PLEKHG2: variants seen among roughly 807,000 people sequenced by gnomAD.
The protein encoded by PLEKHG2 is pleckstrin homology and RhoGEF domain containing G2.
Under a neutral mutation model 104.4 loss-of-function variants are expected in PLEKHG2, and 71 were observed. The ratio of observed to expected loss-of-function variants is 0.68; its 90% CI spans 0.56 to 0.83. PLEKHG2 has a LOEUF of 0.83. Among genes scored for constraint, PLEKHG2 ranks in the 40% least tolerant of loss-of-function variants. The probability of loss-of-function intolerance (pLI) is 0.00; values close to 1 mark genes in which losing one functional copy is unlikely to be tolerated. For missense variants in PLEKHG2, 1,730 were observed against 1,809.4 expected (o/e 0.96, Z 0.80); for synonymous variants, 728 against 737.0 (o/e 0.99, Z 0.20).
At position 39,422,999 on chromosome 19, in the gene PLEKHG2, GA is replaced by G; in HGVS notation, c.1948del (p.Ile650PhefsTer140). On this transcript the variant is annotated frameshift_variant, in exon 18 of 19. Coordinates refer to ENST00000425673, the MANE Select transcript of PLEKHG2 (RefSeq NM_022835.3). LOFTEE classifies it high-confidence loss of function. Reference protein sequence around the residue: ...PNLPEIPSRCEIPEGSRLPSL... With the variant: ...PNLPEIPSRCXIPEGSRLPSL... ...CCTTCCTGAAATTCCCAGCCGCTGT[GA>G]AATTCCCGAAGGTTCTCGCCTTCCT... 6.2e-7 allele frequency: 1 copy of G among 1,614,220 alleles called. No homozygotes were observed. The highest frequency in any genetic ancestry group is 8.5e-7 in the Non-Finnish European group (1 of 1,180,040).
In PLEKHG2 at chr19:39,415,414, A is replaced by C. The variant is rs1411994542; in HGVS notation, c.454A>C (p.Ile152Leu). The C allele has an allele frequency of 6.2e-7, 1 of 1,614,082 alleles. No homozygotes were observed. Among genetic ancestry groups the C allele is most frequent in the Admixed American group, 1.7e-5 (1 of 60,022 alleles). Residue 152 changes from isoleucine to leucine, a missense_variant, in exon 4 of 19, where the codon ATT becomes CTT. Ile to Leu is a conservative substitution (Grantham distance 5). Transcript: ENST00000425673. The surrounding 1 kb of genome is among the most constrained non-coding windows in gnomAD (Gnocchi z 4.6). ...VEQVGTLFAN[I>L]EDIYEFSSEL... is the part of the protein sequence containing the mutation. ...GCAGGTGGGCACGCTGTTTGCCAACATTGAGGACATCTACGAGTTCAGCAG... is the reference window on the plus strand; with the variant it reads ...GCAGGTGGGCACGCTGTTTGCCAACCTTGAGGACATCTACGAGTTCAGCAG...
Position 39,416,372 on chromosome 19 carries a change from C to G in PLEKHG2, c.504C>G (p.Asn168Lys), listed in dbSNP as rs562119329. The G allele has an allele frequency of 3.1e-6, 5 of 1,613,164 alleles. No individual in the cohort carries two copies. Among genetic ancestry groups the G allele is most frequent in the Non-Finnish European group, 4.2e-6 (5 of 1,179,812 alleles). ...GCGAGCTCCTGGAGGACTTGGAGAA[C>G]AGCAGCAGCGCCGGGGGTATTGCCG... ...FSSELLEDLE[N>K]SSSAGGIAEC... Residue 168 changes from asparagine to lysine, a missense_variant, in exon 5 of 19, where the codon AAC (asparagine) becomes AAG (lysine). Physicochemically the swap from Asn to Lys is moderately conservative, Grantham distance 94. Transcript: ENST00000425673. This position sits in a 1 kb window ranked among gnomAD's most constrained non-coding sequence, Gnocchi z 4.5.
At chr19:39,421,909 C>T (rs565356128) in intron 16 of PLEKHG2, 1 of 422,458 alleles carries the variant, frequency 2.4e-6, no homozygotes, top group Non-Finnish European at 4.1e-6. Flanking sequence ...CCCAGCTACT[C>T]AGGAGGCTGA....
rs772663947 is a variant in PLEKHG2 at position 39,420,939 on chromosome 19, C to T, written c.1400-10C>T. The T allele has an allele frequency of 6.2e-7, 1 of 1,614,094 alleles. No individual in the cohort carries two copies. The highest frequency in any genetic ancestry group is 1.1e-5 in the South Asian group (1 of 91,088). ...GGGCTCACACAGGGCTCTGGCCCTC[C>T]CTCCCACAGCTCCATCTCCTGGGCC... On this transcript the variant is annotated splice_polypyrimidine_tract_variant and intron_variant, in intron 13 of 18. Transcript: ENST00000425673.
chr19:39,414,086 C>T lies in PLEKHG2; in HGVS notation c.-1C>T. 1.9e-6 allele frequency: 3 copies of T among 1,551,210 alleles called. No homozygotes were observed. Among genetic ancestry groups the T allele is most frequent in the Non-Finnish European group, 2.6e-6 (3 of 1,146,770 alleles). On this transcript the variant is annotated 5_prime_UTR_variant, in exon 2 of 19. Transcript: ENST00000425673. ...GCAGGACTCTGCTGGGCCGCTCAGCCATGCCTGAGGGAGCCCAAGGACTGA... is the reference window on the plus strand; with the variant it reads ...GCAGGACTCTGCTGGGCCGCTCAGCTATGCCTGAGGGAGCCCAAGGACTGA...
chr19:39,417,739 G>T, intron 8 of PLEKHG2, 47 bp downstream of exon 8: 1 of 1,578,276 alleles, frequency 6.3e-7, no homozygotes. Flanking sequence ...GAGTGAGCGA[G>T]GGGGCCTTGG....
intron 11 of PLEKHG2, among the ~76,000 whole-genome samples, chr19:39,420,275 C>T (rs1466814544): frequency 6.6e-6 from 1 of 151,908 alleles, no homozygotes. Context: ...AGGAGAATCG[C>T]TTGAACCCAG....
Position 39,413,726 on chromosome 19 carries a change from C to G in PLEKHG2, c.-23+314C>G, listed in dbSNP as rs566369391. ...CCTCCCCTGGGACCCCGCGGCCTCCCGCCCACGGCTTTTCCCAGCCCTGCC... is the reference window on the plus strand; with the variant it reads ...CCTCCCCTGGGACCCCGCGGCCTCCGGCCCACGGCTTTTCCCAGCCCTGCC... On this transcript the variant is annotated intron_variant, in intron 1 of 18. Transcript: ENST00000425673. This position sits in a 1 kb window ranked among gnomAD's most constrained non-coding sequence, Gnocchi z 4.5. 626 of 163,770 alleles carry G rather than the reference C, an allele frequency of 3.8e-3. 4 individuals are homozygous for G. The highest frequency in any genetic ancestry group is 0.014 in the African/African-American group (572 of 41,774). 10.1% of individuals were successfully genotyped at this position (163,770 alleles called of 1,614,324 possible).
chr19:39,424,588 T>C lies in PLEKHG2; in HGVS notation c.3455T>C (p.Leu1152Pro), dbSNP rs543669900. Residue 1152 changes from leucine (L) to proline (P), a missense_variant, in exon 19 of 19, where the codon CTC (leucine) becomes CCC (proline). Leu to Pro is a moderately conservative substitution (Grantham distance 98, BLOSUM62 -3). Coordinates refer to ENST00000425673, the MANE Select transcript of PLEKHG2 (RefSeq NM_022835.3). ...ACACCTTTGCCCCTGCCACAAGTCC[T>C]CACAGACATCTGGGTCCAAGCCCTC... Reference protein sequence around the residue: ...ATTPLPLPQVLTDIWVQALPT... With the variant: ...ATTPLPLPQVPTDIWVQALPT... 7 of 1,614,080 alleles carry C rather than the reference T, an allele frequency of 4.3e-6. No homozygotes were observed. In the South Asian group the frequency reaches 5.5e-5, roughly 13 times the overall value.
At chr19:39,417,524 C>T in intron 7 of PLEKHG2, 31 bp from the exon 8 acceptor site, 4 of 1,609,684 alleles carry the variant, frequency 2.5e-6, no homozygotes, top group Non-Finnish European at 3.4e-6. Context: ...TTTCTCTCCC[C>T]ATCCCTGCGT....
intron 8 of PLEKHG2, 64 bp downstream of exon 8, chr19:39,417,756 T>TGGGGGGGGGGCGTGGGGGGGGGG: frequency 2.9e-6 from 1 of 343,344 alleles, no homozygotes; most frequent in Non-Finnish European, 4.4e-6. Context: ...TTGGGGCGGG[T>TGGGGGGGGGGCGTGGGGGGGGGG]GGGGGGAAAT....
At chr19:39,417,780 G>A in intron 8 of PLEKHG2, 88 bp downstream of exon 8, 2 of 1,523,592 alleles carry the variant, frequency 1.3e-6, no homozygotes, top group African/African-American at 1.4e-5. Flanking sequence ...TGCCTCAGAG[G>A]TAGCCTTGGA....
In PLEKHG2 at chr19:39,419,022, C is replaced by T; in HGVS notation, c.1263+19C>T. ...TGCCAAGGTACAGCTCCTGCCGCAGCCGGGGGCCCTCTGAGTGCTGGAGAC... is the reference window on the plus strand; with the variant it reads ...TGCCAAGGTACAGCTCCTGCCGCAGTCGGGGGCCCTCTGAGTGCTGGAGAC... On this transcript the variant is annotated intron_variant, in intron 11 of 18. Transcript: ENST00000425673. 6.3e-7 allele frequency: 1 copy of T among 1,597,328 alleles called. No individual in the cohort carries two copies. The highest frequency in any genetic ancestry group is 8.5e-7 in the Non-Finnish European group (1 of 1,174,612).
At position 39,423,906 on chromosome 19, in the gene PLEKHG2, C is replaced by T; in HGVS notation, c.2773C>T (p.Gln925Ter). ...QGLHVSNLPK[Q>*]DLPGIHVSAA... ...TCTACATGTTTCCAATTTGCCTAAG[C>T]AAGACCTTCCGGGCATCCACGTTTC... Residue 925 changes from glutamine (Q) to a stop codon, truncating the protein, a stop_gained, in exon 19 of 19, where the codon CAA becomes TAA. Coordinates refer to ENST00000425673, the MANE Select transcript of PLEKHG2 (RefSeq NM_022835.3). LOFTEE classifies it low-confidence loss of function (END_TRUNC). 6.2e-7 allele frequency: 1 copy of T among 1,614,228 alleles called. No homozygotes were observed. Among genetic ancestry groups the T allele is most frequent in the Non-Finnish European group, 8.5e-7 (1 of 1,180,032 alleles).
Position 39,413,914 on chromosome 19 carries a change from T to C in PLEKHG2, c.-22-151T>C, listed in dbSNP as rs2078559609. The C allele has an allele frequency of 1.1e-5, 6 of 548,570 alleles. No homozygotes were observed. The South Asian group carries it at 1.3e-4, about 12-fold the overall frequency. The allele number at this position is 548,570 out of a possible 1,614,324, so 34.0% of individuals were successfully genotyped here. A position where few individuals can be genotyped will look rare whatever the true frequency, so the allele number is the denominator to read the frequency against. ...CAGGTTCTCTCTCCTTGTCCCCTTCTTTCTGTCACTTTGTGCCTCCCCCAT... is the reference window on the plus strand; with the variant it reads ...CAGGTTCTCTCTCCTTGTCCCCTTCCTTCTGTCACTTTGTGCCTCCCCCAT... On this transcript the variant is annotated intron_variant, in intron 1 of 18. Coordinates refer to ENST00000425673, the MANE Select transcript of PLEKHG2 (RefSeq NM_022835.3). The surrounding 1 kb of genome is among the most constrained non-coding windows in gnomAD (Gnocchi z 4.5).
chr19:39,415,070 A>T lies in PLEKHG2; in HGVS notation c.188A>T (p.Asp63Val). 1 of 1,591,580 alleles carries T rather than the reference A, an allele frequency of 6.3e-7. No homozygotes were observed. Among genetic ancestry groups the T allele is most frequent in the East Asian group, 2.3e-5 (1 of 43,278 alleles). Residue 63 changes from aspartate to valine, a missense_variant, in exon 3 of 19, where the codon GAT (aspartate) becomes GTT (valine). Coordinates refer to ENST00000425673, the MANE Select transcript of PLEKHG2 (RefSeq NM_022835.3). The surrounding 1 kb of genome is among the most constrained non-coding windows in gnomAD (Gnocchi z 4.6). Reference protein sequence around the residue: ...TSLSTVGSEGDPAPGPTPACS... With the variant: ...TSLSTVGSEGVPAPGPTPACS... Reference sequence around the variant, plus strand: ...CTGAGCACAGTGGGCTCTGAGGGGGATCCAGCCCCTGGGCCCACTCCAGCC... The same window carrying T: ...CTGAGCACAGTGGGCTCTGAGGGGGTTCCAGCCCCTGGGCCCACTCCAGCC...
At chr19:39,417,756 T>TGGGGGGGGGGGGGCCTGGGGGGGGGG in intron 8 of PLEKHG2, 64 bp downstream of exon 8, 4 of 343,256 alleles carry the variant, frequency 1.2e-5, no homozygotes, top group Non-Finnish European at 1.8e-5. Flanking sequence ...TTGGGGCGGG[T>TGGGGGGGGGGGGGCCTGGGGGGGGGG]GGGGGGAAAT....
At position 39,424,372 on chromosome 19, in the gene PLEKHG2, G is replaced by C; in HGVS notation, c.3239G>C (p.Trp1080Ser). The C allele has an allele frequency of 6.2e-7, 1 of 1,614,036 alleles. No individual in the cohort carries two copies. Among genetic ancestry groups the C allele is most frequent in the Non-Finnish European group, 8.5e-7 (1 of 1,179,998 alleles). Residue 1080 changes from tryptophan to serine, a missense_variant, in exon 19 of 19, where the codon TGG becomes TCG. Coordinates refer to ENST00000425673, the MANE Select transcript of PLEKHG2 (RefSeq NM_022835.3). ...AGTCAACCCATCCAGCCTTTGTCTT[G>C]GCATGGAAGCAGCCTGGATCCCCAG... ...VCSQPIQPLSWHGSSLDPQGP... is the reference protein window; with the variant it reads ...VCSQPIQPLSSHGSSLDPQGP...
chr19:39,417,038 A>C, intron 7 of PLEKHG2, 38 bp downstream of exon 7: 1 of 1,566,000 alleles, frequency 6.4e-7, no homozygotes, highest in Non-Finnish European at 8.7e-7. Context: ...GGGGAGGGGG[A>C]GGTCCTGTCC....
Sources: allele counts gnomAD v4.1 joint callset (sites outside exome capture counted in the v4.1 genomes callset), GRCh38; gene constraint gnomAD v4.1.1; non-coding constraint Gnocchi (gnomAD v3.1); transcripts MANE v1.5; gene names NCBI Gene and HGNC (gene_info 2026-07-23, HGNC 2026-07-21).